Variants in NPNT observed in about 807,000 individuals in gnomAD.
NPNT encodes the protein preosteoblast EGF-like repeat protein with MAM domain.
Under a neutral mutation model 68.6 loss-of-function variants are expected in NPNT, and 45 were observed. The observed-to-expected ratio is 0.66, with a 90% CI of 0.52 to 0.84. The LOEUF is 0.84. Ranked by LOEUF, NPNT falls within the 40% of genes least tolerant of loss-of-function variation. The pLI is 0.00. For missense variants in NPNT, 672 were observed against 714.8 expected, an observed-to-expected ratio of 0.94 and a Z score of 0.68; for synonymous variants, 233 against 253.3, an observed-to-expected ratio of 0.92 and a Z score of 0.76.
chr4:105,964,710 A>G (rs529165034), intron 10 of NPNT, among the ~76,000 whole-genome samples: 1 of 152,098 alleles, frequency 6.6e-6, no homozygotes, highest in African/African-American at 2.4e-5. Context: ...GATTTATGGA[A>G]GTTTTCTATA....
At chr4:105,902,343 T>C (rs1726488508) in intron 2 of NPNT, among the ~76,000 whole-genome samples, 1 of 152,138 alleles carries the variant, frequency 6.6e-6, no homozygotes, top group Non-Finnish European at 1.5e-5. Flanking sequence ...GAACATGAGT[T>C]AGTATTTTAA....
intron 8 of NPNT, among the ~76,000 whole-genome samples, chr4:105,947,127 G>A (rs187310978): frequency 6.6e-6 from 1 of 152,250 alleles, no homozygotes; most frequent in East Asian, 1.9e-4. Context: ...TCTGTTTATA[G>A]GCTCTTTGCA....
At position 105,963,214 on chromosome 4, in the gene NPNT, G is replaced by T. The variant is rs570254944; in HGVS notation, c.1346-3974G>T. Reference sequence around the variant, plus strand: ...TACTCCAGCCTAGGTGACAAAGCAAGACTCCGTCAAAAAAAAATAATAAAT... The same window carrying T: ...TACTCCAGCCTAGGTGACAAAGCAATACTCCGTCAAAAAAAAATAATAAAT... On this transcript the variant is annotated intron_variant, in intron 10 of 11. Coordinates refer to ENST00000379987, the MANE Select transcript of NPNT (RefSeq NM_001033047.3). Among the ~76,000 whole-genome samples the T allele has an allele frequency of 2.0e-5, 3 of 150,718 alleles. No individual in the cohort carries two copies. The East Asian group carries it at 5.8e-4, about 29-fold the overall frequency.
chr4:105,903,783 C>CTTT (rs746122761), intron 2 of NPNT, among the ~76,000 whole-genome samples: 2,662 of 126,924 alleles, frequency 0.021, 61 homozygotes, highest in African/African-American at 0.046. Flanking sequence ...GACCTTCTTA[C>CTTT]TTTTTTTTTT....
chr4:105,926,592 A>G (rs1007525007), intron 2 of NPNT, among the ~76,000 whole-genome samples: 9 of 152,216 alleles, frequency 5.9e-5, no homozygotes, highest in African/African-American at 1.9e-4. Flanking sequence ...CTGATAGAGA[A>G]TAAACGGAAT....
chr4:105,921,256 C>A (rs747564568), intron 2 of NPNT, among the ~76,000 whole-genome samples: 8 of 152,130 alleles, frequency 5.3e-5, no homozygotes, highest in Non-Finnish European at 4.4e-5. Context: ...CAAATGCACT[C>A]AAAAATGCTG....
rs138345254 is a variant in NPNT, at chr4:105,940,089, G to A, written c.520G>A (p.Ala174Thr). 1.2e-4 allele frequency: 195 copies of A among 1,613,198 alleles called. 1 individual carries two copies. The African/African-American group carries it at 2.4e-3, about 20-fold the overall frequency. Residue 174 changes from alanine to threonine, a missense_variant, in exon 6 of 12, where the codon GCT (alanine) becomes ACT (threonine). Physicochemically the swap from Ala to Thr is moderately conservative, Grantham distance 58. Coordinates refer to ENST00000379987, the MANE Select transcript of NPNT (RefSeq NM_001033047.3). ...TATGTTTCTAGATGTTGATGAATGT[G>A]CTACAGGAAGAGCCTCCTGCCCTAG... ...GRTCVDVDECATGRASCPRFR... is the reference protein window; with the variant it reads ...GRTCVDVDECTTGRASCPRFR...
chr4:105,970,407 G>A lies in NPNT; in HGVS notation c.*1417G>A. 1.4e-6 allele frequency: 1 copy of A among 701,262 alleles called. No homozygotes were observed. The highest frequency in any genetic ancestry group is 1.5e-5 in the South Asian group (1 of 67,448). The allele number at this position is 701,262 out of a possible 1,614,324, so 43.4% of individuals were successfully genotyped here. ...CAGGAATCACAAAGATGATTAAAGG[G>A]TTGGAAAAAAAGATCTATGATGGAA... is the stretch of plus-strand genomic sequence containing the variant. On this transcript the variant is annotated 3_prime_UTR_variant, in exon 12 of 12. Coordinates refer to ENST00000379987, the MANE Select transcript of NPNT (RefSeq NM_001033047.3).
intron 7 of NPNT, 108 bp downstream of exon 7, chr4:105,940,744 G>A: frequency 3.0e-6 from 3 of 986,976 alleles, no homozygotes; most frequent in South Asian, 3.3e-5. Flanking sequence ...AAGTATAATT[G>A]TCATAATTGG....
chr4:105,925,338 CA>C (rs1728603600), intron 2 of NPNT, among the ~76,000 whole-genome samples: 1 of 152,008 alleles, frequency 6.6e-6, no homozygotes, highest in Admixed American at 6.6e-5. Flanking sequence ...ATACCTCCTA[CA>C]GAGCACTGCC....
rs1269392521 is a variant in NPNT, at chr4:105,969,819, A to G, written c.*829A>G. On this transcript the variant is annotated 3_prime_UTR_variant, in exon 12 of 12. Coordinates refer to ENST00000379987, the MANE Select transcript of NPNT (RefSeq NM_001033047.3). ...AGTGTTGGGTTGTGGTAACGGAGTGATGAATTTTTTTTTAATGGCCTTGAG... is the reference window on the plus strand; with the variant it reads ...AGTGTTGGGTTGTGGTAACGGAGTGGTGAATTTTTTTTTAATGGCCTTGAG... 1 of 152,312 alleles carries G rather than the reference A, an allele frequency of 6.6e-6. No individual in the cohort carries two copies. Among genetic ancestry groups the G allele is most frequent in the Non-Finnish European group, 1.5e-5 (1 of 68,174 alleles). The allele number at this position is 152,312 out of a possible 1,614,324, so 9.4% of individuals were successfully genotyped here.
At chr4:105,943,833 A>T (rs1163774736) in intron 8 of NPNT, among the ~76,000 whole-genome samples, 2 of 152,150 alleles carry the variant, frequency 1.3e-5, no homozygotes, top group Non-Finnish European at 2.9e-5. Flanking sequence ...GGTGAAAAAA[A>T]TACTGACATT....
intron 10 of NPNT, among the ~76,000 whole-genome samples, chr4:105,964,849 C>G (rs993158583): frequency 1.3e-5 from 2 of 152,096 alleles, no homozygotes; most frequent in Non-Finnish European, 2.9e-5. Flanking sequence ...AAGAAATTGG[C>G]TAAATGGTTA....
At chr4:105,916,138 T>G (rs571177271) in intron 2 of NPNT, among the ~76,000 whole-genome samples, 78 of 152,294 alleles carry the variant, frequency 5.1e-4, no homozygotes, top group African/African-American at 1.8e-3. Flanking sequence ...TTTGGTTGCC[T>G]TTTTTTGTTT....
intron 8 of NPNT, among the ~76,000 whole-genome samples, chr4:105,949,512 G>A (rs1227057122): frequency 4.6e-5 from 7 of 152,154 alleles, no homozygotes; most frequent in Non-Finnish European, 1.0e-4. Context: ...GCTATAAGTG[G>A]TGGTATGCCT....
At chr4:105,938,823 G>A (rs961356407) in intron 5 of NPNT, among the ~76,000 whole-genome samples, 1 of 152,200 alleles carries the variant, frequency 6.6e-6, no homozygotes, top group African/African-American at 2.4e-5. Flanking sequence ...GGAAGGCAGT[G>A]TAGGATTGAG....
At chr4:105,932,961 C>T (rs887453372) in intron 3 of NPNT, among the ~76,000 whole-genome samples, 9 of 152,128 alleles carry the variant, frequency 5.9e-5, no homozygotes, top group African/African-American at 1.9e-4. Flanking sequence ...GTTCTAAAAA[C>T]AGATAGCAAA....
intron 5 of NPNT, among the ~76,000 whole-genome samples, chr4:105,939,474 G>A (rs1729756589): frequency 6.6e-6 from 1 of 152,164 alleles, no homozygotes; most frequent in African/African-American, 2.4e-5. Context: ...GGGCCTTCAA[G>A]GACACAGGGG....
At chr4:105,897,879 T>G (rs756597223) in intron 1 of NPNT, 22 bp from the exon 2 acceptor site, 1 of 1,572,644 alleles carries the variant, frequency 6.4e-7, no homozygotes, top group African/African-American at 1.3e-5. Context: ...CCTTATTTAT[T>G]TTGAATCTTT....
Sources: gnomAD v4.1 joint callset for allele counts (sites outside exome capture counted in the v4.1 genomes callset) on GRCh38, gnomAD v4.1.1 for gene constraint, MANE v1.5 for transcripts, NCBI Gene and HGNC (gene_info 2026-07-23, HGNC 2026-07-21) for gene names.